Variants in CPNE7 observed in about 807,000 individuals in gnomAD.
CPNE7 encodes copine-7.
CPNE7 carries 78 observed loss-of-function variants against 66.5 expected under a neutral mutation model. The ratio of observed to expected loss-of-function variants is 1.17; its 90% CI spans 0.98 to 1.42. The LOEUF is 1.42. Ranked by LOEUF, CPNE7 falls within the 40% of genes most tolerant of loss-of-function variation. CPNE7 has a pLI of 0.00. For synonymous variants in CPNE7, 468 were observed against 336.7 expected (o/e 1.39, Z -4.27); for missense variants, 1,012 against 776.6 (o/e 1.30, Z -3.60).
chr16:89,586,876 G>T (rs1436933080), intron 8 of CPNE7, 120 bp downstream of exon 8: 11 of 1,138,588 alleles, frequency 9.7e-6, no homozygotes, highest in Non-Finnish European at 1.3e-5. Context: ...TCTGGGGAGG[G>T]GCTGAGAGAC....
Position 89,591,137 on chromosome 16 carries a change from C to G in CPNE7, c.1179C>G (p.Gly393=), listed in dbSNP as rs145051752. Residue 393 remains glycine, a synonymous_variant, in exon 13 of 15, where the codon GGC becomes GGG. Coordinates refer to ENST00000319518, the MANE Select transcript of CPNE7 (RefSeq NM_153636.3). ...PEDDECEGIQ[G]VVEAYQNCLP... ...CCCTGCCCCCCACAGGCATCCAGGG[C>G]GTGGTGGAGGCCTACCAGAACTGCC... 6.2e-7 allele frequency: 1 copy of G among 1,611,686 alleles called. No individual in the cohort carries two copies. Among genetic ancestry groups the G allele is most frequent in the South Asian group, 1.1e-5 (1 of 90,906 alleles).
intron 2 of CPNE7, 57 bp from the exon 3 acceptor site, chr16:89,583,640 C>T: frequency 1.2e-6 from 2 of 1,609,866 alleles, no homozygotes; most frequent in African/African-American, 1.3e-5. Context: ...GGTGGGGTCT[C>T]CAGGGTCAGG....
At chr16:89,586,048 G>C in intron 7 of CPNE7, among the ~76,000 whole-genome samples, 1 of 113,672 alleles carries the variant, frequency 8.8e-6, no homozygotes, top group South Asian at 2.7e-4. Context: ...GGGCATTCAG[G>C]GAGGGGCAGG....
rs2058996988 is a variant in CPNE7, at chr16:89,584,039, G to A, written c.444G>A (p.Glu148=). ...AGKSTITVIA[E]DISGNNGYVE... ...CGTCCCCCTGCCAGGTGATCGCCGA[G>A]GACATCTCGGGGAACAACGGCTACG... is the stretch of plus-strand genomic sequence containing the variant. The change falls in exon 4 of 15, where the codon GAG becomes GAA. Residue 148 remains glutamate (E), a synonymous_variant. Transcript: ENST00000319518. The surrounding 1 kb of genome is among the most constrained non-coding windows in gnomAD (Gnocchi z 6.0). The A allele has an allele frequency of 5.0e-6, 8 of 1,612,288 alleles. No individual in the cohort carries two copies. The highest frequency in any genetic ancestry group is 6.8e-6 in the Non-Finnish European group (8 of 1,179,666).
rs2059062926 is a variant in CPNE7 at position 89,587,202 on chromosome 16, CTG to C, written c.927+103_927+104del. On this transcript the variant is annotated intron_variant, in intron 9 of 14. Coordinates refer to ENST00000319518, the MANE Select transcript of CPNE7 (RefSeq NM_153636.3). The stretch of plus-strand genomic sequence containing the variant: ...CCCCGCCCCTCCCCGCCCCCTCAGT[CTG>C]TGGCCCCGCCCATCCCCGCCCCCTC... The C allele has an allele frequency of 1.2e-5, 7 of 568,864 alleles. No homozygotes were observed. The East Asian group carries it at 2.0e-4, about 16-fold the overall frequency. 35.2% of individuals were successfully genotyped at this position (568,864 alleles called of 1,614,324 possible).
In CPNE7 at chr16:89,575,948, C is replaced by CCAAA; in HGVS notation, c.51_52insCAAA (p.Ala18GlnfsTer76). 7.5e-7 allele frequency: 1 copy of CCAAA among 1,338,864 alleles called. No homozygotes were observed. The highest frequency in any genetic ancestry group is 9.6e-7 in the Non-Finnish European group (1 of 1,044,572). 82.9% of individuals were successfully genotyped at this position (1,338,864 alleles called of 1,614,324 possible). On this transcript the variant is annotated frameshift_variant, in exon 1 of 15. Coordinates refer to ENST00000319518, the MANE Select transcript of CPNE7 (RefSeq NM_153636.3). LOFTEE classifies it high-confidence loss of function. Reference sequence around the variant, plus strand: ...CGGCGGCAACCCCCGGGGGTTTGCCCGCGCCCTGCGCCTCGAAGGTGGAGC... The same window carrying CCAAA: ...CGGCGGCAACCCCCGGGGGTTTGCCCCAAAGCGCCCTGCGCCTCGAAGGTGGAGC...
chr16:89,586,265 C>T (rs1032009102), intron 7 of CPNE7, among the ~76,000 whole-genome samples: 4 of 152,002 alleles, frequency 2.6e-5, no homozygotes, highest in Non-Finnish European at 5.9e-5. Context: ...GGGGTGGCCC[C>T]CATCAGGTTC....
At chr16:89,580,485 C>T (rs575532365) in intron 2 of CPNE7, among the ~76,000 whole-genome samples, 1 of 140,766 alleles carries the variant, frequency 7.1e-6, no homozygotes, top group Non-Finnish European at 1.6e-5. Flanking sequence ...CGGAACATCC[C>T]GTCACCCGCT....
chr16:89,584,637 G>A lies in CPNE7; in HGVS notation c.508-137G>A, dbSNP rs1304212270. On this transcript the variant is annotated intron_variant, in intron 4 of 14. Transcript: ENST00000319518. This position sits in a 1 kb window ranked among gnomAD's most constrained non-coding sequence, Gnocchi z 6.0. ...GGAGGGACGAGATGCTGTCGGCGGG[G>A]ACTGGCTGCCTCGTTTTGTGCCTGA... is the stretch of plus-strand genomic sequence containing the variant. 1.5e-6 allele frequency: 1 copy of A among 679,136 alleles called. No homozygotes were observed. The highest frequency in any genetic ancestry group is 1.7e-5 in the South Asian group (1 of 58,550). The allele number at this position is 679,136 out of a possible 1,614,324, so 42.1% of individuals were successfully genotyped here. A position where few individuals can be genotyped will look rare whatever the true frequency, so the allele number is the denominator to read the frequency against.
intron 7 of CPNE7, 44 bp downstream of exon 7, chr16:89,585,829 G>T: frequency 2.6e-6 from 2 of 760,546 alleles, no homozygotes; most frequent in South Asian, 1.9e-5. Context: ...GGGTCAGGTG[G>T]GGGTGGAGGG....
rs1311624155 is a variant in CPNE7 at position 89,590,989 on chromosome 16, C to T, written c.1117-18C>T. The T allele has an allele frequency of 3.1e-6, 5 of 1,613,416 alleles. No individual in the cohort carries two copies. The highest frequency in any genetic ancestry group is 2.2e-5 in the East Asian group (1 of 44,882). ...TGTTGCAACGAGCAGCTGACTGAGC[C>T]CTCTTGTTCCCACCCAGGTGTCCCA... is the stretch of plus-strand genomic sequence containing the variant. On this transcript the variant is annotated intron_variant, in intron 11 of 14. Transcript: ENST00000319518.
Position 89,588,800 on chromosome 16 carries a change from C to A in CPNE7, c.1053C>A (p.Asp351Glu). ...ALVSVGEICQ[D>E]YDSDKRFSAL... Reference sequence around the variant, plus strand: ...TGTCCGTGGGCGAGATCTGCCAGGACTATGACAGGTGCGCCCACCACCTTC... The same window carrying A: ...TGTCCGTGGGCGAGATCTGCCAGGAATATGACAGGTGCGCCCACCACCTTC... The change falls in exon 10 of 15, where the codon GAC (aspartate) becomes GAA (glutamate). Residue 351 changes from aspartate (D) to glutamate (E), a missense_variant. By Grantham distance (45) the Asp-to-Glu change is conservative. Transcript: ENST00000319518. The A allele has an allele frequency of 6.2e-7, 1 of 1,613,376 alleles. No individual in the cohort carries two copies. Among genetic ancestry groups the A allele is most frequent in the Non-Finnish European group, 8.5e-7 (1 of 1,179,866 alleles).
intron 2 of CPNE7, among the ~76,000 whole-genome samples, chr16:89,580,109 G>C (rs118066878): frequency 2.1e-5 from 1 of 46,912 alleles, no homozygotes; most frequent in Non-Finnish European, 6.2e-5. Context: ...CCATCACACA[G>C]AACATCCCGT....
chr16:89,578,401 C>T (rs1283706833), intron 2 of CPNE7, among the ~76,000 whole-genome samples: 1 of 152,110 alleles, frequency 6.6e-6, no homozygotes, highest in Non-Finnish European at 1.5e-5. Flanking sequence ...AAATTACGTT[C>T]CCTGTTCTGC....
At chr16:89,586,887 G>C (rs956734413) in intron 8 of CPNE7, 131 bp downstream of exon 8, 11 of 1,104,750 alleles carry the variant, frequency 1.0e-5, no homozygotes, top group East Asian at 2.6e-5. Flanking sequence ...GCTGAGAGAC[G>C]GGGAAGGGCG....
chr16:89,577,056 C>G (rs35264225), intron 1 of CPNE7, among the ~76,000 whole-genome samples: 22,219 of 152,232 alleles, frequency 0.15, 1,717 homozygotes, highest in Middle Eastern at 0.18. Context: ...TTTCAGGATT[C>G]TGAAATGAGT....
intron 2 of CPNE7, 117 bp downstream of exon 2, chr16:89,577,838 C>A: frequency 1.1e-6 from 1 of 875,070 alleles, no homozygotes. Flanking sequence ...CTGGCTCTGC[C>A]CCCTCCTCAG....
At position 89,595,450 on chromosome 16, in the gene CPNE7, C is replaced by T. The variant is rs1374388341; in HGVS notation, c.1386C>T (p.Arg462=). The T allele has an allele frequency of 1.2e-6, 2 of 1,612,236 alleles. No homozygotes were observed. The highest frequency in any genetic ancestry group is 2.2e-5 in the South Asian group (2 of 90,990). ...DTREAIVRAS[R]LPMSIIIVGV... ...GGGAGGCCATTGTGCGTGCCTCACG[C>T]CTGCCCATGTCCATCATCATCGTGG... is the stretch of plus-strand genomic sequence containing the variant. The change falls in exon 14 of 15, where the codon CGC becomes CGT. Residue 462 remains arginine, a synonymous_variant. Coordinates refer to ENST00000319518, the MANE Select transcript of CPNE7 (RefSeq NM_153636.3).
chr16:89,576,938 C>G, intron 1 of CPNE7, among the ~76,000 whole-genome samples: 1 of 152,132 alleles, frequency 6.6e-6, no homozygotes, highest in East Asian at 1.9e-4. Context: ...CCTGAGCCCA[C>G]CCTTCACATC....
Sources: allele counts gnomAD v4.1 joint callset (sites outside exome capture counted in the v4.1 genomes callset), GRCh38; gene constraint gnomAD v4.1.1; non-coding constraint Gnocchi (gnomAD v3.1); transcripts MANE v1.5; gene names NCBI Gene and HGNC (gene_info 2026-07-23, HGNC 2026-07-21).